PMFBP1: variants seen among roughly 807,000 people sequenced by gnomAD.
The protein encoded by PMFBP1 is polyamine-modulated factor 1-binding protein 1.
In PMFBP1, 131 loss-of-function variants were observed where a neutral mutation model predicts 137.8. The observed-to-expected ratio is 0.95, with a 90% CI of 0.82 to 1.10. The LOEUF (loss-of-function observed/expected upper bound fraction) is 1.10, where lower values mean the gene tolerates loss of function less well. PMFBP1 is among the 50% of genes least tolerant of loss of function. The probability of loss-of-function intolerance (pLI) is 0.00; values close to 1 mark genes in which losing one functional copy is unlikely to be tolerated. For synonymous variants in PMFBP1, 490 were observed against 450.4 expected, an observed-to-expected ratio of 1.09 and a Z score of -1.11; for missense variants, 1,199 against 1,175.4, an observed-to-expected ratio of 1.02 and a Z score of -0.29.
At chr16:72,146,326 G>A (rs182601199) in intron 5 of PMFBP1, among the ~76,000 whole-genome samples, 9 of 152,172 alleles carry the variant, frequency 5.9e-5, no homozygotes, top group South Asian at 4.1e-4. Flanking sequence ...ATTCAACAGC[G>A]CTTCATGCTA....
the PMFBP1 span, among the ~76,000 whole-genome samples, chr16:72,193,746 C>T: frequency 2.0e-5 from 3 of 149,780 alleles, no homozygotes; most frequent in East Asian, 2.0e-4. Context: ...AAAAGAAATA[C>T]AATTACACAA....
chr16:72,229,074 A>G, the PMFBP1 span, among the ~76,000 whole-genome samples: 3 of 152,048 alleles, frequency 2.0e-5, no homozygotes, highest in Admixed American at 1.3e-4. Context: ...TTCAGTGTTT[A>G]GCTCTCACTT....
chr16:72,119,249 G>C lies in PMFBP1; in HGVS notation c.*89C>G. ...ACCGTGATATACTCCTGTAAGAGCT[G>C]ATCCAGGTCAAGAGAGAGGGAGGGC... is the stretch of plus-strand genomic sequence containing the variant. On this transcript the variant is annotated 3_prime_UTR_variant, in exon 21 of 21. Transcript: ENST00000237353. 3 of 1,427,976 alleles carry C rather than the reference G, an allele frequency of 2.1e-6. No individual in the cohort carries two copies. The highest frequency in any genetic ancestry group is 3.0e-6 in the Non-Finnish European group (3 of 1,012,680). 88.5% of individuals were successfully genotyped at this position (1,427,976 alleles called of 1,614,324 possible).
chr16:72,216,804 A>G, the PMFBP1 span, among the ~76,000 whole-genome samples: 1 of 152,220 alleles, frequency 6.6e-6, no homozygotes, highest in South Asian at 2.1e-4. Flanking sequence ...GAGTGGCTTC[A>G]GTGTACCCCC....
chr16:72,156,971 A>G (rs2042990316), intron 3 of PMFBP1, among the ~76,000 whole-genome samples: 1 of 151,776 alleles, frequency 6.6e-6, no homozygotes, highest in Admixed American at 6.6e-5. Flanking sequence ...GCAGATCACG[A>G]GGTCAGGAGA....
At chr16:72,233,113 A>C in the PMFBP1 span, among the ~76,000 whole-genome samples, 1 of 152,138 alleles carries the variant, frequency 6.6e-6, no homozygotes, top group Non-Finnish European at 1.5e-5. Context: ...ACTAAGGTTT[A>C]ATTTACCTGT....
upstream of PMFBP1, among the ~76,000 whole-genome samples, chr16:72,177,965 C>T (rs973722641): frequency 6.6e-6 from 1 of 152,064 alleles, no homozygotes; most frequent in Admixed American, 6.5e-5. Flanking sequence ...GAACATGGCA[C>T]ACTGCAGCCT....
chr16:72,150,581 G>A (rs755421883), intron 5 of PMFBP1, 27 bp downstream of exon 5: 1 of 1,606,488 alleles, frequency 6.2e-7, no homozygotes, highest in African/African-American at 1.3e-5. Context: ...CACTTGCCTG[G>A]ATTGAATGGC....
chr16:72,208,122 CA>C, the PMFBP1 span, among the ~76,000 whole-genome samples: 11 of 152,332 alleles, frequency 7.2e-5, no homozygotes, highest in African/African-American at 2.4e-4. Flanking sequence ...TCCACCAATT[CA>C]AATGTTAAAC....
chr16:72,195,815 C>G, the PMFBP1 span, among the ~76,000 whole-genome samples: 1 of 152,256 alleles, frequency 6.6e-6, no homozygotes, highest in Non-Finnish European at 1.5e-5. Flanking sequence ...TAGGCTTGGC[C>G]AGGGCCGTCC....
At chr16:72,206,678 G>C in the PMFBP1 span, among the ~76,000 whole-genome samples, 1 of 152,184 alleles carries the variant, frequency 6.6e-6, no homozygotes, top group African/African-American at 2.4e-5. Context: ...TTCAAATCCA[G>C]GTAGTTTGGT....
In PMFBP1 at chr16:72,140,405, C is replaced by A. The variant is rs750371279; in HGVS notation, c.807+7G>T. 1.9e-6 allele frequency: 3 copies of A among 1,609,752 alleles called. No individual in the cohort carries two copies. Among genetic ancestry groups the A allele is most frequent in the Non-Finnish European group, 2.6e-6 (3 of 1,176,074 alleles). On this transcript the variant is annotated splice_region_variant and intron_variant, in intron 6 of 20. Transcript: ENST00000237353. ...CCCAGAGACATGTTCTAGAAGAAGG[C>A]ACTTACCAAAGCGTTACTGCAGGCC...
At chr16:72,247,909 A>G in the PMFBP1 span, among the ~76,000 whole-genome samples, 1 of 152,240 alleles carries the variant, frequency 6.6e-6, no homozygotes, top group Admixed American at 6.5e-5. Flanking sequence ...GACACATATC[A>G]GAAACATGAA....
chr16:72,220,474 G>C, the PMFBP1 span, among the ~76,000 whole-genome samples: 1 of 152,142 alleles, frequency 6.6e-6, no homozygotes, highest in Admixed American at 6.5e-5. Flanking sequence ...AAAATGTCTA[G>C]AAGGAAACAT....
chr16:72,144,202 G>C (rs564529822), intron 5 of PMFBP1, among the ~76,000 whole-genome samples: 19 of 152,092 alleles, frequency 1.2e-4, no homozygotes, highest in African/African-American at 3.9e-4. Flanking sequence ...TTGCATAAAA[G>C]TAAAAATATG....
chr16:72,121,318 G>T (rs564565850), intron 19 of PMFBP1, among the ~76,000 whole-genome samples: 54 of 152,268 alleles, frequency 3.5e-4, no homozygotes, highest in African/African-American at 1.3e-3. Context: ...TGGAGAGGGG[G>T]TCTCAGCAGT....
chr16:72,196,055 G>C, the PMFBP1 span, among the ~76,000 whole-genome samples: 1 of 151,970 alleles, frequency 6.6e-6, no homozygotes, highest in African/African-American at 2.4e-5. Context: ...GACAGACAGA[G>C]AGAGAGAAGG....
the PMFBP1 span, among the ~76,000 whole-genome samples, chr16:72,249,526 A>G: frequency 6.6e-6 from 1 of 152,146 alleles, no homozygotes; most frequent in South Asian, 2.1e-4. Context: ...CTTTCATTCA[A>G]TAATTATTTA....
At chr16:72,200,963 T>A in the PMFBP1 span, among the ~76,000 whole-genome samples, 1 of 151,756 alleles carries the variant, frequency 6.6e-6, no homozygotes, top group Non-Finnish European at 1.5e-5. Context: ...CCGTGGGGGG[T>A]CCCTGGGTGC....
Sources: gnomAD v4.1 joint callset for allele counts (sites outside exome capture counted in the v4.1 genomes callset) on GRCh38, gnomAD v4.1.1 for gene constraint, MANE v1.5 for transcripts, NCBI Gene and HGNC (gene_info 2026-07-23, HGNC 2026-07-21) for gene names.